Variants in MYRIP observed in about 807,000 individuals in gnomAD.
MYRIP encodes rab effector MyRIP.
In MYRIP, 49 loss-of-function variants were observed where a neutral mutation model predicts 98.0. The observed-to-expected ratio is 0.50, with a 90% confidence interval of 0.40 to 0.63. MYRIP has a LOEUF of 0.63. Ranked by LOEUF, MYRIP falls within the 30% of genes least tolerant of loss-of-function variation. The probability of loss-of-function intolerance (pLI) is 0.00; values close to 1 mark genes in which losing one functional copy is unlikely to be tolerated. For synonymous variants in MYRIP, 404 were observed against 409.5 expected (o/e 0.99, Z 0.16); for missense variants, 1,004 against 1,058.2 (o/e 0.95, Z 0.71).
At chr3:40,245,421 G>A (rs991880748) in intron 13 of MYRIP, among the ~76,000 whole-genome samples, 9 of 151,840 alleles carry the variant, frequency 5.9e-5, no homozygotes, top group African/African-American at 1.2e-4. Context: ...AGGCCGAGGC[G>A]GGTGGATCAC....
rs778239293 is a variant in MYRIP, at chr3:40,190,013, G to A, written c.1215G>A (p.Glu405=). ...SDSEEDFDWS[E]ALSKLCPRSR... is the part of the protein sequence containing the mutation. ...GCGAGGAAGACTTTGACTGGAGTGA[G>A]GCCTTGAGCAAGCTGTGTCCCAGGT... Residue 405 remains glutamate (E), a synonymous_variant, in exon 10 of 17, where the codon GAG becomes GAA. Coordinates refer to ENST00000302541, the MANE Select transcript of MYRIP (RefSeq NM_015460.4). 5 of 1,614,106 alleles carry A rather than the reference G, an allele frequency of 3.1e-6. No homozygotes were observed. The highest frequency in any genetic ancestry group is 3.4e-6 in the Non-Finnish European group (4 of 1,180,026).
intron 2 of MYRIP, among the ~76,000 whole-genome samples, chr3:39,998,925 G>A (rs967061107): frequency 6.6e-6 from 1 of 152,208 alleles, no homozygotes; most frequent in Admixed American, 6.5e-5. Context: ...AAGCAATGGG[G>A]AAAGGATTCC....
chr3:39,836,715 G>A (rs1318014451), intron 1 of MYRIP, among the ~76,000 whole-genome samples: 1 of 152,214 alleles, frequency 6.6e-6, no homozygotes, highest in East Asian at 1.9e-4. Context: ...AAGAATGGCA[G>A]CCGCCACCCT....
chr3:40,142,667 C>T (rs1470821428), intron 3 of MYRIP, among the ~76,000 whole-genome samples: 2 of 152,048 alleles, frequency 1.3e-5, no homozygotes, highest in East Asian at 3.9e-4. Context: ...CCATGTTGCC[C>T]AGTCTGGTCT....
intron 4 of MYRIP, among the ~76,000 whole-genome samples, chr3:40,153,536 A>AC (rs1310844870): frequency 6.6e-6 from 1 of 151,974 alleles, no homozygotes; most frequent in East Asian, 1.9e-4. Context: ...ATCATTGTCC[A>AC]CCCCCCATTA....
intron 2 of MYRIP, among the ~76,000 whole-genome samples, chr3:39,965,681 C>G (rs1945422366): frequency 6.6e-6 from 1 of 152,026 alleles, no homozygotes; most frequent in Non-Finnish European, 1.5e-5. Flanking sequence ...TGAACTTCCA[C>G]TGACTTAATC....
chr3:39,953,148 G>A (rs1945068869), intron 2 of MYRIP, among the ~76,000 whole-genome samples: 1 of 152,132 alleles, frequency 6.6e-6, no homozygotes, highest in South Asian at 2.1e-4. Context: ...AGGTTTTCAT[G>A]GCTTGTCTCA....
At chr3:40,145,735 C>T (rs1949995404) in intron 3 of MYRIP, among the ~76,000 whole-genome samples, 1 of 152,166 alleles carries the variant, frequency 6.6e-6, no homozygotes, top group Admixed American at 6.5e-5. Flanking sequence ...GCATATCCAT[C>T]ACAGAACCGT....
At chr3:40,127,354 G>A (rs1049972047) in intron 3 of MYRIP, among the ~76,000 whole-genome samples, 6 of 152,098 alleles carry the variant, frequency 3.9e-5, no homozygotes, top group African/African-American at 1.4e-4. Context: ...CTTGCTTTTG[G>A]TCACTTCGGT....
intron 1 of MYRIP, among the ~76,000 whole-genome samples, chr3:39,831,093 A>G (rs1408676335): frequency 6.6e-6 from 1 of 152,184 alleles, no homozygotes; most frequent in Non-Finnish European, 1.5e-5. Flanking sequence ...TCTCAAGGAT[A>G]TACTCTTGCT....
chr3:40,106,348 G>T (rs981652309), intron 3 of MYRIP, among the ~76,000 whole-genome samples: 2 of 151,976 alleles, frequency 1.3e-5, no homozygotes, highest in Non-Finnish European at 2.9e-5. Flanking sequence ...TGTTTTTGGT[G>T]GATATGGAGA....
chr3:39,836,907 G>A (rs1394536297), intron 1 of MYRIP, among the ~76,000 whole-genome samples: 2 of 152,190 alleles, frequency 1.3e-5, no homozygotes, highest in Non-Finnish European at 2.9e-5. Context: ...CTCCCCGCCA[G>A]AGGGCCATCT....
intron 2 of MYRIP, among the ~76,000 whole-genome samples, chr3:39,973,295 GA>G (rs1366376054): frequency 6.6e-6 from 1 of 152,018 alleles, no homozygotes; most frequent in Non-Finnish European, 1.5e-5. Context: ...AAGATCAAAA[GA>G]GACAAAGAAG....
At chr3:40,067,735 A>G (rs1412669996) in intron 3 of MYRIP, among the ~76,000 whole-genome samples, 1 of 147,554 alleles carries the variant, frequency 6.8e-6, no homozygotes. Context: ...GGTACGCACG[A>G]GATACCCTGA....
At chr3:40,114,061 G>A (rs1015000990) in intron 3 of MYRIP, among the ~76,000 whole-genome samples, 1 of 151,994 alleles carries the variant, frequency 6.6e-6, no homozygotes, top group Non-Finnish European at 1.5e-5. Context: ...AAAACTTAAA[G>A]GAAAAAATAA....
intron 12 of MYRIP, among the ~76,000 whole-genome samples, chr3:40,243,953 G>A (rs569072236): frequency 1.1e-4 from 16 of 152,102 alleles, no homozygotes; most frequent in Admixed American, 8.5e-4. Flanking sequence ...CCTTAACCTC[G>A]TTGAAGCATG....
intron 10 of MYRIP, among the ~76,000 whole-genome samples, chr3:40,202,768 A>C (rs1951603461): frequency 6.6e-6 from 1 of 152,018 alleles, no homozygotes; most frequent in Non-Finnish European, 1.5e-5. Context: ...GAGTTCCAGA[A>C]CTGCTGGGAT....
chr3:40,084,757 ACATGTCGATAGATAATATATATGTG>A lies in MYRIP; in HGVS notation c.332+40487_332+40511del, dbSNP rs1418527197. Among the ~76,000 whole-genome samples the A allele has an allele frequency of 4.2e-5, 4 of 94,686 alleles. 1 individual carries two copies. The highest frequency in any genetic ancestry group is 4.4e-5 in the Non-Finnish European group (2 of 45,564). 62.1% of individuals were successfully genotyped at this position (94,686 alleles called of 152,430 possible). A position where few individuals can be genotyped will look rare whatever the true frequency, so the allele number is the denominator to read the frequency against. On this transcript the variant is annotated intron_variant, in intron 3 of 16. Coordinates refer to ENST00000302541, the MANE Select transcript of MYRIP (RefSeq NM_015460.4). ...GATAGATAATATGTATCTATGTGTT[ACATGTCGATAGATAATATATATGTG>A]TTACATGTCGATAGATAATATATAT...
At chr3:39,830,492 G>T (rs1264216657) in intron 1 of MYRIP, among the ~76,000 whole-genome samples, 1 of 151,946 alleles carries the variant, frequency 6.6e-6, no homozygotes, top group African/African-American at 2.4e-5. Context: ...CTTACACATT[G>T]TCCCGGTTTC....
Sources: allele counts gnomAD v4.1 joint callset (sites outside exome capture counted in the v4.1 genomes callset), GRCh38; gene constraint gnomAD v4.1.1; transcripts MANE v1.5; gene names NCBI Gene and HGNC (gene_info 2026-07-23, HGNC 2026-07-21).